USH2A: variants seen among roughly 807,000 people sequenced by gnomAD.
USH2A encodes Usher syndrome 2A (autosomal recessive, mild).
USH2A carries 443 observed loss-of-function variants against 538.9 expected under a neutral mutation model. The ratio of observed to expected loss-of-function variants is 0.82; its 90% CI spans 0.76 to 0.89. The LOEUF (loss-of-function observed/expected upper bound fraction) is 0.89. USH2A is among the 40% of genes least tolerant of loss of function. The pLI is 0.00. For synonymous variants in USH2A, 2,413 were observed against 2,273.5 expected (o/e 1.06, Z -1.75); for missense variants, 6,633 against 6,324.8 (o/e 1.05, Z -1.65).
chr1:215,966,852 G>C (rs757250517), intron 36 of USH2A, among the ~76,000 whole-genome samples: 1 of 152,122 alleles, frequency 6.6e-6, no homozygotes, highest in Non-Finnish European at 1.5e-5. Flanking sequence ...GGCAATTCCA[G>C]ATAATTATAT....
intron 44 of USH2A, among the ~76,000 whole-genome samples, chr1:215,850,778 A>G (rs1663997091): frequency 6.6e-6 from 1 of 152,230 alleles, no homozygotes; most frequent in Non-Finnish European, 1.5e-5. Context: ...TCTCCAAGAT[A>G]GTCCATATGA....
chr1:216,077,946 G>A (rs2031807312), intron 27 of USH2A, 143 bp downstream of exon 27: 2 of 1,009,564 alleles, frequency 2.0e-6, no homozygotes, highest in Non-Finnish European at 3.0e-6. Flanking sequence ...TAGTTTTTAA[G>A]GTTTAAATTT....
rs375419632 is a variant in USH2A, at chr1:215,674,404, C to T, written c.13507G>A (p.Val4503Met). 1.9e-6 allele frequency: 3 copies of T among 1,614,134 alleles called. No homozygotes were observed. Among genetic ancestry groups the T allele is most frequent in the African/African-American group, 1.3e-5 (1 of 75,042 alleles). Residue 4503 changes from valine (V) to methionine (M), a missense_variant, in exon 63 of 72, where the codon GTG becomes ATG. Coordinates refer to ENST00000307340, the MANE Select transcript of USH2A (RefSeq NM_206933.4). Reference protein sequence around the residue: ...RYRDFTLTPGVEYSYTVTASN... With the variant: ...RYRDFTLTPGMEYSYTVTASN... ...GCAGTTACTGTGTAGCTATACTCCA[C>T]ACCTGGGGTGAGAGTAAAATCACGA...
intron 36 of USH2A, among the ~76,000 whole-genome samples, chr1:215,968,350 G>C (rs1383659978): frequency 6.6e-6 from 1 of 151,848 alleles, no homozygotes; most frequent in East Asian, 1.9e-4. Context: ...TGCTGTTGTT[G>C]CTGCTGTTTA....
chr1:216,217,870 A>G (rs2035374983), intron 14 of USH2A, among the ~76,000 whole-genome samples: 1 of 152,096 alleles, frequency 6.6e-6, no homozygotes, highest in South Asian at 2.1e-4. Flanking sequence ...CAGTTGTTCA[A>G]TTAAGAATGC....
Position 216,366,970 on chromosome 1 carries a change from T to A in USH2A, c.652-1885A>T, listed in dbSNP as rs1463975378. Among the ~76,000 whole-genome samples, 4 of 152,180 alleles carry A rather than the reference T, an allele frequency of 2.6e-5. No homozygotes were observed. The South Asian group carries it at 8.3e-4, about 31-fold the overall frequency. On this transcript the variant is annotated intron_variant, in intron 3 of 71. Coordinates refer to ENST00000307340, the MANE Select transcript of USH2A (RefSeq NM_206933.4). The stretch of plus-strand genomic sequence containing the variant: ...CTTTGTTATTTGTAGCATTATCTCA[T>A]GTTTTACAACATCTTTGCACAACAT...
intron 40 of USH2A, among the ~76,000 whole-genome samples, chr1:215,894,857 A>T (rs140846429): frequency 1.3e-5 from 2 of 152,164 alleles, no homozygotes; most frequent in Non-Finnish European, 2.9e-5. Context: ...CTCTTACAGC[A>T]ATTGCTTTCC....
At chr1:216,250,845 A>T in intron 12 of USH2A, 58 bp downstream of exon 12, 1 of 1,571,922 alleles carries the variant, frequency 6.4e-7, no homozygotes, top group Non-Finnish European at 8.7e-7. Flanking sequence ...AATCAAATAG[A>T]GAATTTTATT....
At chr1:216,080,031 AAGG>A (rs1186437761) in intron 26 of USH2A, 2 of 152,122 alleles carry the variant, frequency 1.3e-5, no homozygotes, top group Admixed American at 1.3e-4. Context: ...TGTTGTTGAC[AAGG>A]AGGAGGGGTG....
chr1:215,742,901 G>A (rs935965385), intron 59 of USH2A, among the ~76,000 whole-genome samples: 2 of 152,098 alleles, frequency 1.3e-5, no homozygotes, highest in Non-Finnish European at 2.9e-5. Flanking sequence ...ACTCCTTTAT[G>A]TGAGCTAGGT....
At chr1:215,776,303 G>C (rs762446356) in intron 55 of USH2A, among the ~76,000 whole-genome samples, 1 of 152,134 alleles carries the variant, frequency 6.6e-6, no homozygotes, top group Non-Finnish European at 1.5e-5. Flanking sequence ...AGCAGAAAAC[G>C]CTTCAGTTTA....
At chr1:215,648,468 A>G (rs1656932184) in intron 66 of USH2A, 60 bp downstream of exon 66, 1 of 1,546,614 alleles carries the variant, frequency 6.5e-7, no homozygotes, top group South Asian at 1.1e-5. Context: ...CTATACCATG[A>G]GTTCATATGT....
At chr1:216,087,559 G>T (rs1176474150) in intron 23 of USH2A, among the ~76,000 whole-genome samples, 5 of 151,676 alleles carry the variant, frequency 3.3e-5, no homozygotes, top group Non-Finnish European at 4.4e-5. Flanking sequence ...CAGTGTCTTT[G>T]TAGACTATTC....
chr1:216,013,817 T>C (rs1478727112), intron 32 of USH2A, among the ~76,000 whole-genome samples: 4 of 152,160 alleles, frequency 2.6e-5, no homozygotes, highest in Non-Finnish European at 4.4e-5. Flanking sequence ...AATAAATAGC[T>C]TTATTGCTCA....
intron 16 of USH2A, 90 bp downstream of exon 16, chr1:216,207,183 C>T (rs2035131941): frequency 2.0e-6 from 3 of 1,521,038 alleles, no homozygotes; most frequent in Admixed American, 1.7e-5. Context: ...CAGAGGAAAC[C>T]ACAACAGCAT....
chr1:215,894,920 G>A (rs762451304), intron 40 of USH2A, among the ~76,000 whole-genome samples: 1 of 152,096 alleles, frequency 6.6e-6, no homozygotes, highest in Non-Finnish European at 1.5e-5. Flanking sequence ...TGATATTAAA[G>A]TGCACTCCAA....
At chr1:216,263,093 T>G (rs2036406530) in intron 11 of USH2A, among the ~76,000 whole-genome samples, 1 of 152,066 alleles carries the variant, frequency 6.6e-6, no homozygotes, top group African/African-American at 2.4e-5. Context: ...AATAGAACAC[T>G]GAACAGAACA....
At chr1:215,646,248 C>G (rs948646914) in intron 67 of USH2A, among the ~76,000 whole-genome samples, 1 of 152,046 alleles carries the variant, frequency 6.6e-6, no homozygotes, top group Non-Finnish European at 1.5e-5. Context: ...TGGACTTAGC[C>G]TGATGCTGTA....
chr1:216,135,238 G>A (rs1182393706), intron 21 of USH2A, among the ~76,000 whole-genome samples: 1 of 148,516 alleles, frequency 6.7e-6, no homozygotes, highest in African/African-American at 2.5e-5. Flanking sequence ...CCTTTAAAAT[G>A]TATTACCTGT....
Sources: gnomAD v4.1 joint callset for allele counts (sites outside exome capture counted in the v4.1 genomes callset) on GRCh38, gnomAD v4.1.1 for gene constraint, MANE v1.5 for transcripts, NCBI Gene and HGNC (gene_info 2026-07-23, HGNC 2026-07-21) for gene names.